Variants in ELL2 observed in about 807,000 individuals in gnomAD.
The protein encoded by ELL2 is elongation factor for RNA polymerase II 2, also known as RNA polymerase II elongation factor ELL2.
ELL2 carries 21 observed loss-of-function variants against 72.8 expected under a neutral mutation model. That is an observed-to-expected ratio of 0.29 (90% CI 0.20 to 0.42). ELL2 has a LOEUF of 0.42. Among genes scored for constraint, ELL2 ranks in the 10% least tolerant of loss-of-function variants. The pLI is 1.00. For synonymous variants in ELL2, 266 were observed against 283.2 expected, an observed-to-expected ratio of 0.94 and a Z score of 0.61; for missense variants, 568 against 772.8, an observed-to-expected ratio of 0.73 and a Z score of 3.14.
rs1243618896 is a variant in ELL2, at chr5:95,961,559, C to A, written c.147+16G>T. 6.4e-7 allele frequency: 1 copy of A among 1,568,124 alleles called. No individual in the cohort carries two copies. The highest frequency in any genetic ancestry group is 8.6e-7 in the Non-Finnish European group (1 of 1,159,372). ...CTCTGCCTCTCTGAGCCCAGCCTGC[C>A]GGCCGGCCCGCTCACCTTGTGGCTC... On this transcript the variant is annotated intron_variant, in intron 1 of 11. Transcript: ENST00000237853.
chr5:95,902,186 C>T (rs923210179), intron 5 of ELL2, among the ~76,000 whole-genome samples: 1 of 152,226 alleles, frequency 6.6e-6, no homozygotes, highest in African/African-American at 2.4e-5. Context: ...TCCTTTCAGT[C>T]ATCAACCAAA....
chr5:95,891,372 T>C lies in ELL2; in HGVS notation c.1590-98A>G, dbSNP rs186280522. On this transcript the variant is annotated intron_variant, in intron 9 of 11. Transcript: ENST00000237853. ...AATATTTAGAGATTAGATCCATGCA[T>C]GTGTCACTAATGTTTAATGCCACTC... The C allele has an allele frequency of 4.4e-3, 5,639 of 1,280,870 alleles. 13 individuals are homozygous for C. Among genetic ancestry groups the C allele is most frequent in the Non-Finnish European group, 5.6e-3 (5,335 of 946,514 alleles). 79.3% of individuals were successfully genotyped at this position (1,280,870 alleles called of 1,614,324 possible). A position where few individuals can be genotyped will look rare whatever the true frequency, so the allele number is the denominator to read the frequency against.
rs553408640 is a variant in ELL2 at position 95,887,242 on chromosome 5, A to C, written c.*1629T>G. On this transcript the variant is annotated 3_prime_UTR_variant, in exon 12 of 12. Coordinates refer to ENST00000237853, the MANE Select transcript of ELL2 (RefSeq NM_012081.6). Reference sequence around the variant, plus strand: ...GTTTCAGTCTTTGTATAGTCTGTATACTTCTGTATACATTTAGTATATTAT... The same window carrying C: ...GTTTCAGTCTTTGTATAGTCTGTATCCTTCTGTATACATTTAGTATATTAT... 6.6e-6 allele frequency: 1 copy of C among 152,354 alleles called. No homozygotes were observed. The highest frequency in any genetic ancestry group is 2.4e-5 in the African/African-American group (1 of 41,564). The allele number at this position is 152,354 out of a possible 1,614,324, so 9.4% of individuals were successfully genotyped here. A position where few individuals can be genotyped will look rare whatever the true frequency, so the allele number is the denominator to read the frequency against.
At chr5:95,946,200 G>T (rs559739557) in intron 1 of ELL2, among the ~76,000 whole-genome samples, 1 of 152,186 alleles carries the variant, frequency 6.6e-6, no homozygotes, top group African/African-American at 2.4e-5. Context: ...AGTCCGGGCG[G>T]ATGCTTTAGA....
chr5:95,961,274 C>T (rs79815053), intron 1 of ELL2, among the ~76,000 whole-genome samples: 2 of 152,072 alleles, frequency 1.3e-5, no homozygotes, highest in African/African-American at 4.8e-5. Context: ...TGGGACCCAA[C>T]AAGCCAGGAA....
intron 2 of ELL2, among the ~76,000 whole-genome samples, chr5:95,926,111 T>C (rs573062386): frequency 6.6e-6 from 1 of 151,962 alleles, no homozygotes; most frequent in South Asian, 2.1e-4. Context: ...GAAAGCCACA[T>C]GTGCTATTTT....
intron 1 of ELL2, among the ~76,000 whole-genome samples, chr5:95,955,050 C>T (rs1474284621): frequency 1.3e-5 from 2 of 152,182 alleles, no homozygotes; most frequent in Admixed American, 1.3e-4. Context: ...TCATGTTAAG[C>T]AGAACAGGGT....
chr5:95,961,785 C>A lies in ELL2; in HGVS notation c.-64G>T. The A allele has an allele frequency of 6.7e-7, 1 of 1,494,302 alleles. No individual in the cohort carries two copies. The highest frequency in any genetic ancestry group is 8.9e-7 in the Non-Finnish European group (1 of 1,125,144). 92.6% of individuals were successfully genotyped at this position (1,494,302 alleles called of 1,614,324 possible). A position where few individuals can be genotyped will look rare whatever the true frequency, so the allele number is the denominator to read the frequency against. On this transcript the variant is annotated 5_prime_UTR_variant, in exon 1 of 12. Coordinates refer to ENST00000237853, the MANE Select transcript of ELL2 (RefSeq NM_012081.6). The stretch of plus-strand genomic sequence containing the variant: ...GCTCTAGCCTCCACTGCGGCCGCGG[C>A]TGCTTGGGCTTCTGCAGCCGCCGCC...
intron 1 of ELL2, among the ~76,000 whole-genome samples, chr5:95,959,595 C>T (rs1315197666): frequency 6.6e-6 from 1 of 152,230 alleles, no homozygotes; most frequent in Non-Finnish European, 1.5e-5. Context: ...CTGGTCTCTT[C>T]ACTGCAGGTG....
At chr5:95,954,300 C>T (rs754247602) in intron 1 of ELL2, among the ~76,000 whole-genome samples, 6 of 152,148 alleles carry the variant, frequency 3.9e-5, no homozygotes, top group African/African-American at 1.4e-4. Flanking sequence ...ACTCTCCCAA[C>T]TGCTTCCAAT....
chr5:95,906,782 C>T lies in ELL2; in HGVS notation c.482G>A (p.Gly161Glu). Reference protein sequence around the residue: ...KVIKPGGPYVGKRVQIRKAPQ... With the variant: ...KVIKPGGPYVEKRVQIRKAPQ... ...TGCTTTCCGAATTTGCACTCTTTTCCCTAAAGTCCAGTGGAAATGACATTG... is the reference window on the plus strand; with the variant it reads ...TGCTTTCCGAATTTGCACTCTTTTCTCTAAAGTCCAGTGGAAATGACATTG... Residue 161 changes from glycine to glutamate, a missense_variant and splice_region_variant, in exon 5 of 12, where the codon GGG (glycine) becomes GAG (glutamate). Physicochemically the swap from Gly to Glu is moderately conservative, Grantham distance 98. This residue lies in a region of ELL2 where 511 missense variants were observed against 728.4 expected (regional missense o/e 0.70). Transcript: ENST00000237853. The T allele has an allele frequency of 6.2e-7, 1 of 1,608,282 alleles. No individual in the cohort carries two copies. The highest frequency in any genetic ancestry group is 8.5e-7 in the Non-Finnish European group (1 of 1,176,198).
chr5:95,915,904 G>T (rs1303906234), intron 3 of ELL2, among the ~76,000 whole-genome samples: 1 of 152,014 alleles, frequency 6.6e-6, no homozygotes, highest in Non-Finnish European at 1.5e-5. Context: ...TACAGGTTTT[G>T]GACCTTATCC....
At position 95,889,002 on chromosome 5, in the gene ELL2, A is replaced by C. The variant is rs1417335179; in HGVS notation, c.1807-15T>G. 4 of 1,553,160 alleles carry C rather than the reference A, an allele frequency of 2.6e-6. No homozygotes were observed. In the South Asian group the frequency reaches 4.8e-5, roughly 19 times the overall value. On this transcript the variant is annotated splice_polypyrimidine_tract_variant and intron_variant, in intron 11 of 11. Coordinates refer to ENST00000237853, the MANE Select transcript of ELL2 (RefSeq NM_012081.6). ...TTGGGACTAGACTGCAGATGAAAAA[A>C]AAAAAAAAAAAAGAGGAATGAGATT...
intron 2 of ELL2, among the ~76,000 whole-genome samples, chr5:95,934,957 T>C (rs1750723123): frequency 6.6e-6 from 1 of 152,180 alleles, no homozygotes; most frequent in Non-Finnish European, 1.5e-5. Flanking sequence ...TTTAACATAT[T>C]TGTTTCTGCA....
chr5:95,903,988 T>A (rs1269736547), intron 5 of ELL2, among the ~76,000 whole-genome samples: 3 of 152,224 alleles, frequency 2.0e-5, no homozygotes, highest in Admixed American at 2.0e-4. Context: ...TTAGCAAGTC[T>A]TATCACAAAA....
intron 1 of ELL2, among the ~76,000 whole-genome samples, chr5:95,943,699 A>T (rs1751055374): frequency 6.6e-6 from 1 of 152,204 alleles, no homozygotes; most frequent in South Asian, 2.1e-4. Flanking sequence ...TTTGTTTTTA[A>T]TTGAGAGCCA....
chr5:95,955,433 T>C (rs573394466), intron 1 of ELL2, among the ~76,000 whole-genome samples: 1 of 152,328 alleles, frequency 6.6e-6, no homozygotes, highest in Non-Finnish European at 1.5e-5. Context: ...GGCAAAGTAT[T>C]AGTGGCAACT....
intron 2 of ELL2, among the ~76,000 whole-genome samples, chr5:95,933,501 A>G (rs899112872): frequency 1.3e-5 from 2 of 152,136 alleles, no homozygotes; most frequent in African/African-American, 4.8e-5. Context: ...CTAAATGAAA[A>G]AAGAATATAA....
At chr5:95,904,674 T>C (rs1035733885) in intron 5 of ELL2, among the ~76,000 whole-genome samples, 28 of 152,258 alleles carry the variant, frequency 1.8e-4, no homozygotes, top group African/African-American at 6.3e-4. Flanking sequence ...GTTTCCCAAC[T>C]AGTTTGTCTG....
Sources: allele counts gnomAD v4.1 joint callset (sites outside exome capture counted in the v4.1 genomes callset), GRCh38; gene constraint gnomAD v4.1.1; regional missense constraint gnomAD v4.1.1; transcripts MANE v1.5; gene names NCBI Gene and HGNC (gene_info 2026-07-23, HGNC 2026-07-21).